The following DAB1 variants were observed in gnomAD, a reference collection of about 807,000 sequenced individuals.
DAB1 encodes disabled homolog 1.
A neutral mutation model predicts 64.6 loss-of-function variants in DAB1; 15 were observed. That is an observed-to-expected ratio of 0.23 (90% CI 0.16 to 0.36). The LOEUF (loss-of-function observed/expected upper bound fraction) is 0.36, where lower values mean the gene tolerates loss of function less well. Ranked by LOEUF, DAB1 falls within the 10% of genes least tolerant of loss-of-function variation. The pLI is 1.00. For synonymous variants in DAB1, 235 were observed against 251.9 expected (o/e 0.93, Z 0.64); for missense variants, 596 against 706.7 (o/e 0.84, Z 1.78).
At chr1:57,740,788 TAAA>T in intron 6 of DAB1, among the ~76,000 whole-genome samples, 2 of 152,164 alleles carry the variant, frequency 1.3e-5, no homozygotes, top group East Asian at 3.8e-4. Flanking sequence ...GTTAGTGAAA[TAAA>T]AAACTGGCAG....
chr1:57,332,246 A>T lies in DAB1; in HGVS notation c.-136-41080T>A, dbSNP rs1479826138. The stretch of plus-strand genomic sequence containing the variant: ...CCCAAAGTGCTGGGATTACAGGCAT[A>T]AGCCACAATGCCCAGCTGGGAGTCT... On this transcript the variant is annotated intron_variant, in intron 1 of 14. Transcript: ENST00000371236. Among the ~76,000 whole-genome samples the T allele has an allele frequency of 4.6e-5, 7 of 152,170 alleles. No individual in the cohort carries two copies. The East Asian group carries it at 1.4e-3, about 29-fold the overall frequency.
chr1:57,045,743 T>C (rs1648395661), intron 9 of DAB1, among the ~76,000 whole-genome samples: 1 of 151,980 alleles, frequency 6.6e-6, no homozygotes, highest in Non-Finnish European at 1.5e-5. Flanking sequence ...TGGGGAACCC[T>C]GAGTATTGGG....
intron 2 of DAB1, among the ~76,000 whole-genome samples, chr1:57,171,308 A>T (rs1661734655): frequency 6.6e-6 from 1 of 152,176 alleles, no homozygotes; most frequent in Admixed American, 6.5e-5. Flanking sequence ...AAAACTGCTC[A>T]ATTAATATGA....
chr1:58,205,237 A>C (rs917291168), intron 4 of DAB1, among the ~76,000 whole-genome samples: 2 of 145,940 alleles, frequency 1.4e-5, no homozygotes, highest in African/African-American at 5.0e-5. Context: ...CTTTCAGGCA[A>C]GACTTATTTT....
At chr1:57,804,794 A>G (rs1328074950) in intron 6 of DAB1, among the ~76,000 whole-genome samples, 1 of 152,224 alleles carries the variant, frequency 6.6e-6, no homozygotes, top group African/African-American at 2.4e-5. Flanking sequence ...GTGCTTAATA[A>G]TCATCATGAT....
At chr1:57,082,890 T>G (rs1652689197) in intron 4 of DAB1, among the ~76,000 whole-genome samples, 1 of 152,204 alleles carries the variant, frequency 6.6e-6, no homozygotes, top group South Asian at 2.1e-4. Context: ...ACTTTTCTAT[T>G]TTCAGCAACA....
intron 5 of DAB1, among the ~76,000 whole-genome samples, chr1:58,093,764 T>C (rs1192906396): frequency 6.6e-6 from 1 of 150,660 alleles, no homozygotes; most frequent in Non-Finnish European, 1.5e-5. Context: ...AGGACACCAA[T>C]ATGGGGCATG....
intron 6 of DAB1, among the ~76,000 whole-genome samples, chr1:57,660,806 ACT>A (rs2101668892): frequency 6.6e-6 from 1 of 152,138 alleles, no homozygotes; most frequent in South Asian, 2.1e-4. Flanking sequence ...ATTTGGCACA[ACT>A]CTGCAGGTCA....
intron 3 of DAB1, among the ~76,000 whole-genome samples, chr1:58,500,745 T>C (rs1039554046): frequency 3.3e-5 from 5 of 152,164 alleles, no homozygotes; most frequent in Non-Finnish European, 7.4e-5. Context: ...TCATTCTCCA[T>C]ACCCTTCACC....
intron 4 of DAB1, among the ~76,000 whole-genome samples, chr1:58,316,445 A>C (rs919800306): frequency 1.3e-5 from 2 of 152,212 alleles, no homozygotes; most frequent in African/African-American, 2.4e-5. Context: ...ACTGAGGTCT[A>C]TCATGAGCCA....
intron 5 of DAB1, among the ~76,000 whole-genome samples, chr1:57,948,207 A>G (rs1645213094): frequency 6.6e-6 from 1 of 152,224 alleles, no homozygotes. Flanking sequence ...TGTGTTTGTT[A>G]AGTAAAAAGA....
intron 1 of DAB1, among the ~76,000 whole-genome samples, chr1:57,311,599 G>A (rs763535201): frequency 6.6e-6 from 1 of 152,052 alleles, no homozygotes; most frequent in Non-Finnish European, 1.5e-5. Flanking sequence ...ATGTTAGGGA[G>A]CATGTGTTTA....
chr1:57,678,901 C>T (rs933299592), intron 6 of DAB1, among the ~76,000 whole-genome samples: 8 of 149,896 alleles, frequency 5.3e-5, no homozygotes, highest in Non-Finnish European at 1.0e-4. Flanking sequence ...TGAGTAGCTG[C>T]GACTACAAGC....
intron 5 of DAB1, among the ~76,000 whole-genome samples, chr1:58,082,638 G>A (rs1450360281): frequency 6.6e-6 from 1 of 152,094 alleles, no homozygotes; most frequent in African/African-American, 2.4e-5. Flanking sequence ...CCCCTGACAT[G>A]ACCCTTGGAG....
chr1:57,511,349 T>G (rs1395337225), intron 7 of DAB1, among the ~76,000 whole-genome samples: 1 of 152,222 alleles, frequency 6.6e-6, no homozygotes, highest in Non-Finnish European at 1.5e-5. Flanking sequence ...CATGATCTTC[T>G]TGCTGCTGAT....
intron 5 of DAB1, among the ~76,000 whole-genome samples, chr1:58,000,040 A>T (rs1187987): frequency 6.6e-6 from 1 of 150,552 alleles, no homozygotes; most frequent in Non-Finnish European, 1.5e-5. Context: ...GAGGGAGGAA[A>T]GGAGTGAGAA....
At chr1:58,345,937 G>C (rs1185691444) in intron 3 of DAB1, among the ~76,000 whole-genome samples, 3 of 152,116 alleles carry the variant, frequency 2.0e-5, no homozygotes, top group Non-Finnish European at 4.4e-5. Flanking sequence ...CTGCTGCCAA[G>C]AGCAGCTTCC....
At chr1:57,370,715 C>T (rs929389573) in intron 1 of DAB1, among the ~76,000 whole-genome samples, 1 of 151,898 alleles carries the variant, frequency 6.6e-6, no homozygotes, top group Admixed American at 6.6e-5. Context: ...GCAAATTTAG[C>T]ATAGTTTTTT....
At chr1:57,575,989 ACAT>A (rs1645245240) in intron 7 of DAB1, among the ~76,000 whole-genome samples, 2 of 152,314 alleles carry the variant, frequency 1.3e-5, no homozygotes, top group Admixed American at 1.3e-4. Context: ...GCTTATTTGG[ACAT>A]AAATTCATTC....
Sources: gnomAD v4.1 joint callset for allele counts (sites outside exome capture counted in the v4.1 genomes callset) on GRCh38, gnomAD v4.1.1 for gene constraint, MANE v1.5 for transcripts, NCBI Gene and HGNC (gene_info 2026-07-23, HGNC 2026-07-21) for gene names.